SNTG1: variants seen among roughly 807,000 people sequenced by gnomAD.
SNTG1 encodes the protein gamma-1-syntrophin.
Under a neutral mutation model 74.7 loss-of-function variants are expected in SNTG1, and 39 were observed. That is an observed-to-expected ratio of 0.52 (90% CI 0.40 to 0.68). The LOEUF is 0.68. Among genes scored for constraint, SNTG1 ranks in the 30% least tolerant of loss-of-function variants. The pLI is 0.00. For synonymous variants in SNTG1, 254 were observed against 217.1 expected (o/e 1.17, Z -1.49); for missense variants, 685 against 609.5 (o/e 1.12, Z -1.30).
At chr8:50,254,385 T>C (rs1343664106) in intron 2 of SNTG1, among the ~76,000 whole-genome samples, 2 of 152,200 alleles carry the variant, frequency 1.3e-5, no homozygotes, top group African/African-American at 4.8e-5. Context: ...AACTCAAAGA[T>C]TACTAAAAGA....
intron 8 of SNTG1, among the ~76,000 whole-genome samples, chr8:50,473,268 G>T (rs888689533): frequency 3.3e-5 from 5 of 152,148 alleles, no homozygotes; most frequent in African/African-American, 9.7e-5. Context: ...GCTACCTTAT[G>T]AAGAAGATGC....
chr8:50,774,048 T>C (rs1187180980), intron 18 of SNTG1, among the ~76,000 whole-genome samples: 1 of 151,912 alleles, frequency 6.6e-6, no homozygotes, highest in Non-Finnish European at 1.5e-5. Context: ...TATCTCAATG[T>C]CAATAGGGCA....
chr8:50,046,917 T>A (rs1263439842), intron 1 of SNTG1, among the ~76,000 whole-genome samples: 1 of 152,194 alleles, frequency 6.6e-6, no homozygotes, highest in Non-Finnish European at 1.5e-5. Flanking sequence ...CAAATATTAG[T>A]TTTGTTCCAG....
chr8:49,953,589 T>C (rs1484815591), intron 1 of SNTG1, among the ~76,000 whole-genome samples: 1 of 152,204 alleles, frequency 6.6e-6, no homozygotes, highest in Non-Finnish European at 1.5e-5. Flanking sequence ...TATATGCTCT[T>C]TTCTTAATTT....
intron 15 of SNTG1, among the ~76,000 whole-genome samples, chr8:50,661,779 G>A (rs557082450): frequency 4.6e-5 from 7 of 152,222 alleles, no homozygotes; most frequent in Admixed American, 2.6e-4. Flanking sequence ...GAGGCCTGGC[G>A]ATAAGTATTC....
At chr8:50,701,710 A>G (rs1177263130) in intron 15 of SNTG1, among the ~76,000 whole-genome samples, 1 of 87,708 alleles carries the variant, frequency 1.1e-5, no homozygotes, top group East Asian at 3.4e-4. Context: ...CTTCCTCTTC[A>G]TCTTCCTCTT....
chr8:50,362,287 C>T (rs1054522872), intron 2 of SNTG1, among the ~76,000 whole-genome samples: 6 of 151,998 alleles, frequency 3.9e-5, no homozygotes, highest in South Asian at 4.1e-4. Flanking sequence ...TCTTCCAGTG[C>T]GGTACCAAAG....
At chr8:50,720,896 C>A (rs904011684) in intron 17 of SNTG1, among the ~76,000 whole-genome samples, 1 of 152,080 alleles carries the variant, frequency 6.6e-6, no homozygotes, top group Non-Finnish European at 1.5e-5. Flanking sequence ...TAAAAAGCTA[C>A]TTTTATTGCA....
chr8:50,492,298 G>C (rs1361274897), intron 8 of SNTG1, among the ~76,000 whole-genome samples: 1 of 152,148 alleles, frequency 6.6e-6, no homozygotes, highest in African/African-American at 2.4e-5. Flanking sequence ...CTAGATCCTT[G>C]AGGAATTGCC....
intron 1 of SNTG1, among the ~76,000 whole-genome samples, chr8:50,085,895 A>T (rs1305129625): frequency 1.3e-5 from 2 of 152,182 alleles, no homozygotes; most frequent in Non-Finnish European, 2.9e-5. Context: ...AATCTCTGAC[A>T]CTGGGGCCTT....
rs76714029 is a variant in SNTG1 at position 50,006,833 on chromosome 8, C to T, written c.-103+94602C>T. On this transcript the variant is annotated intron_variant, in intron 1 of 18. Coordinates refer to ENST00000642720, the MANE Select transcript of SNTG1 (RefSeq NM_018967.5). ...TTCCAGCCTCGTGCTTGTCAAGCTA[C>T]GTCTGCCAGTTGAAAAAGTGGAATG... Among the ~76,000 whole-genome samples the T allele has an allele frequency of 2.8e-4, 43 of 152,262 alleles. 1 individual carries two copies. In the East Asian group the frequency reaches 8.1e-3, roughly 29 times the overall value.
chr8:49,981,764 G>A (rs1812700231), intron 1 of SNTG1, among the ~76,000 whole-genome samples: 2 of 151,418 alleles, frequency 1.3e-5, no homozygotes, highest in South Asian at 2.1e-4. Flanking sequence ...CTCCCCAAAG[G>A]CATATAAAAT....
chr8:50,399,250 A>AC (rs1258966244), intron 3 of SNTG1, among the ~76,000 whole-genome samples: 2 of 151,614 alleles, frequency 1.3e-5, no homozygotes, highest in Non-Finnish European at 2.9e-5. Flanking sequence ...TTATTCTAAA[A>AC]AAAATCCTTC....
rs752006850 is a variant in SNTG1 at position 50,792,785 on chromosome 8, G to A, written c.1510G>A (p.Ala504Thr). Residue 504 changes from alanine to threonine, a missense_variant, in exon 19 of 19, where the codon GCT (alanine) becomes ACT (threonine). Physicochemically the swap from Ala to Thr is moderately conservative, Grantham distance 58 (BLOSUM62 0). Coordinates refer to ENST00000642720, the MANE Select transcript of SNTG1 (RefSeq NM_018967.5). ...AGGCAATCAAGCTACTGCTTCTACT[G>A]CTGCCAGCTCTGCTACCACGAGCAA... ...FLGNQATASTAASSATTSKAK... is the reference protein window; with the variant it reads ...FLGNQATASTTASSATTSKAK... 2 of 1,612,264 alleles carry A rather than the reference G, an allele frequency of 1.2e-6. No homozygotes were observed. Among genetic ancestry groups the A allele is most frequent in the Non-Finnish European group, 1.7e-6 (2 of 1,178,830 alleles).
intron 18 of SNTG1, among the ~76,000 whole-genome samples, chr8:50,758,928 A>ATTAGTT (rs1478056071): frequency 2.6e-5 from 4 of 151,728 alleles, no homozygotes; most frequent in Admixed American, 6.6e-5. Context: ...ACTAATTTAC[A>ATTAGTT]CTCCCATCAA....
chr8:50,631,608 C>T (rs569289246), intron 13 of SNTG1, among the ~76,000 whole-genome samples: 6 of 152,172 alleles, frequency 3.9e-5, no homozygotes, highest in African/African-American at 1.4e-4. Flanking sequence ...AAAGAGAAGC[C>T]CCATGGGTGA....
intron 16 of SNTG1, chr8:50,708,657 T>C (rs2131550362): frequency 2.0e-6 from 1 of 505,792 alleles, no homozygotes; most frequent in South Asian, 3.2e-5. Flanking sequence ...GGGAGCAGGA[T>C]TGGAAACTCG....
chr8:50,691,146 G>A (rs943705518), intron 15 of SNTG1, among the ~76,000 whole-genome samples: 1 of 152,096 alleles, frequency 6.6e-6, no homozygotes, highest in African/African-American at 2.4e-5. Flanking sequence ...GTGTGTCTCT[G>A]CACGTGAGAT....
chr8:50,421,744 A>T (rs1185614811), intron 4 of SNTG1, among the ~76,000 whole-genome samples: 1 of 152,158 alleles, frequency 6.6e-6, no homozygotes, highest in African/African-American at 2.4e-5. Flanking sequence ...CTGAAAGATC[A>T]CTGACATGAG....
Sources: allele counts gnomAD v4.1 joint callset (sites outside exome capture counted in the v4.1 genomes callset), GRCh38; gene constraint gnomAD v4.1.1; transcripts MANE v1.5; gene names NCBI Gene and HGNC (gene_info 2026-07-23, HGNC 2026-07-21).